RBFOX1: variants seen among roughly 807,000 people sequenced by gnomAD.
RBFOX1 encodes RNA binding fox-1 homolog 1.
In RBFOX1, 8 loss-of-function variants were observed where a neutral mutation model predicts 57.7. The observed-to-expected ratio is 0.14, with a 90% CI of 0.08 to 0.25. The LOEUF is 0.25. Among genes scored for constraint, RBFOX1 ranks in the 10% least tolerant of loss-of-function variants. The probability of loss-of-function intolerance (pLI) is 1.00; values close to 1 mark genes in which losing one functional copy is unlikely to be tolerated. For synonymous variants in RBFOX1, 326 were observed against 222.4 expected (o/e 1.47, Z -4.15); for missense variants, 611 against 548.5 (o/e 1.11, Z -1.14).
intron 2 of RBFOX1, among the ~76,000 whole-genome samples, chr16:6,618,480 C>G (rs964465072): frequency 2.0e-5 from 3 of 152,136 alleles, no homozygotes; most frequent in African/African-American, 7.2e-5. Context: ...GCACACACTT[C>G]CTGATGTTCA....
chr16:7,423,099 G>GAGAGGGAGAA (rs1435054186), intron 4 of RBFOX1: 1 of 22,970 alleles, frequency 4.4e-5, no homozygotes, highest in Admixed American at 4.9e-4. Context: ...GAGAAAGAGA[G>GAGAGGGAGAA]AGAGAGAGAG....
intron 3 of RBFOX1, among the ~76,000 whole-genome samples, chr16:6,682,101 T>A (rs1390372291): frequency 6.6e-6 from 1 of 152,236 alleles, no homozygotes; most frequent in Non-Finnish European, 1.5e-5. Context: ...ACGATTCTTT[T>A]AAAGTTCTTC....
intron 1 of RBFOX1, among the ~76,000 whole-genome samples, chr16:5,454,785 C>A (rs1321593969): frequency 7.4e-6 from 1 of 135,756 alleles, no homozygotes; most frequent in African/African-American, 2.8e-5. Flanking sequence ...TTCTTTCTTT[C>A]TTTCTCTTTC....
intron 5 of RBFOX1, among the ~76,000 whole-genome samples, chr16:7,547,042 C>T (rs1814813781): frequency 6.6e-6 from 1 of 152,072 alleles, no homozygotes; most frequent in Admixed American, 6.6e-5. Context: ...ACGGCAGTGT[C>T]CTGTCTCCTG....
chr16:6,970,315 C>G (rs1303797819), intron 3 of RBFOX1, among the ~76,000 whole-genome samples: 2 of 151,978 alleles, frequency 1.3e-5, no homozygotes, highest in Non-Finnish European at 2.9e-5. Context: ...TATTTCTGTC[C>G]TTTCATTTTC....
At chr16:6,315,441 A>G (rs188623472) in intron 1 of RBFOX1, among the ~76,000 whole-genome samples, 10 of 145,126 alleles carry the variant, frequency 6.9e-5, no homozygotes, top group Admixed American at 6.8e-4. Context: ...GGGTAGATGG[A>G]TGGATGGGTG....
At chr16:5,977,807 G>T (rs374537388) in intron 4 of RBFOX1, among the ~76,000 whole-genome samples, 1 of 152,086 alleles carries the variant, frequency 6.6e-6, no homozygotes, top group Admixed American at 6.5e-5. Flanking sequence ...CACCATCAAG[G>T]TGGCTCCCTT....
intron 14 of RBFOX1, 137 bp downstream of exon 14, chr16:7,676,975 G>A (rs776627784): frequency 1.0e-4 from 80 of 771,290 alleles, no homozygotes; most frequent in Non-Finnish European, 1.7e-4. Context: ...GTCCCATGGT[G>A]AACGTGAACT....
At chr16:5,554,496 T>C (rs956250202) in intron 2 of RBFOX1, among the ~76,000 whole-genome samples, 1 of 152,090 alleles carries the variant, frequency 6.6e-6, no homozygotes, top group African/African-American at 2.4e-5. Context: ...TAAAAATGTA[T>C]ATTAACATTT....
intron 4 of RBFOX1, among the ~76,000 whole-genome samples, chr16:5,881,779 A>C (rs2057770329): frequency 6.6e-6 from 1 of 152,168 alleles, no homozygotes; most frequent in Admixed American, 6.5e-5. Flanking sequence ...GCACTATTTC[A>C]CTTAATTCTG....
chr16:6,057,151 T>C (rs1046025533), intron 1 of RBFOX1: 2 of 152,164 alleles, frequency 1.3e-5, no homozygotes, highest in African/African-American at 2.4e-5. Context: ...TCAGTTATGA[T>C]GGATTGTGTT....
At chr16:6,838,817 C>G (rs889223159) in intron 3 of RBFOX1, among the ~76,000 whole-genome samples, 1 of 152,134 alleles carries the variant, frequency 6.6e-6, no homozygotes. Flanking sequence ...ATACTCCATT[C>G]TCAGCTTTCT....
intron 3 of RBFOX1, among the ~76,000 whole-genome samples, chr16:5,845,820 G>C (rs950683869): frequency 6.6e-6 from 1 of 152,174 alleles, no homozygotes; most frequent in Non-Finnish European, 1.5e-5. Flanking sequence ...CCCTCAGACA[G>C]CAGTGGTCTA....
At chr16:7,700,457 C>A (rs1254118171) in intron 14 of RBFOX1, among the ~76,000 whole-genome samples, 1 of 152,180 alleles carries the variant, frequency 6.6e-6, no homozygotes, top group African/African-American at 2.4e-5. Context: ...GGATCCCCAG[C>A]TGCTGTTCAA....
In RBFOX1 at chr16:7,030,378, C is replaced by T. The variant is rs906360017; in HGVS notation, c.-15-21679C>T. Among the ~76,000 whole-genome samples, 9 of 152,288 alleles carry T rather than the reference C, an allele frequency of 5.9e-5. No homozygotes were observed. The South Asian group carries it at 8.3e-4, about 14-fold the overall frequency. On this transcript the variant is annotated intron_variant, in intron 3 of 15. Transcript: ENST00000550418. The stretch of plus-strand genomic sequence containing the variant: ...TAACGCCAACTGGATGGCTTTAAAA[C>T]AACAGAAGTTTATTCATTCAAGGTT...
At chr16:7,634,739 T>A (rs1439029078) in intron 11 of RBFOX1, among the ~76,000 whole-genome samples, 9 of 152,170 alleles carry the variant, frequency 5.9e-5, no homozygotes, top group Non-Finnish European at 1.3e-4. Context: ...CTGAACTTCA[T>A]GCAGGTTTAA....
At chr16:6,914,458 A>G (rs1227596048) in intron 3 of RBFOX1, among the ~76,000 whole-genome samples, 2 of 152,152 alleles carry the variant, frequency 1.3e-5, no homozygotes, top group Admixed American at 6.5e-5. Context: ...TTGCATTAAT[A>G]AGAACACAGA....
At chr16:7,135,639 C>T (rs1158548385) in intron 4 of RBFOX1, among the ~76,000 whole-genome samples, 6 of 152,224 alleles carry the variant, frequency 3.9e-5, no homozygotes, top group Admixed American at 2.6e-4. Flanking sequence ...CCGCTGTTCG[C>T]GGCATCCCTG....
chr16:5,841,987 C>T (rs1486388560), intron 3 of RBFOX1, among the ~76,000 whole-genome samples: 2 of 152,228 alleles, frequency 1.3e-5, no homozygotes. Context: ...CCCAGAGGCA[C>T]ACCACGCCCC....
Sources: allele counts gnomAD v4.1 joint callset (sites outside exome capture counted in the v4.1 genomes callset), GRCh38; gene constraint gnomAD v4.1.1; transcripts MANE v1.5; gene names NCBI Gene and HGNC (gene_info 2026-07-23, HGNC 2026-07-21).